The following CALCRL variants were observed in gnomAD, a reference collection of about 807,000 sequenced individuals.
The protein encoded by CALCRL is calcitonin gene-related peptide type 1 receptor.
Under a neutral mutation model 60.4 loss-of-function variants are expected in CALCRL, and 27 were observed. The observed-to-expected ratio is 0.45, with a 90% CI of 0.33 to 0.62. CALCRL has a LOEUF of 0.62. Ranked by LOEUF, CALCRL falls within the 20% of genes least tolerant of loss-of-function variation. CALCRL has a pLI of 0.03. For synonymous variants in CALCRL, 190 were observed against 182.6 expected (o/e 1.04, Z -0.33); for missense variants, 424 against 540.7 (o/e 0.78, Z 2.14).
chr2:187,447,267 C>T (rs1340487273), intron 1 of CALCRL, among the ~76,000 whole-genome samples: 1 of 151,710 alleles, frequency 6.6e-6, no homozygotes, highest in Non-Finnish European at 1.5e-5. Flanking sequence ...GGTATCACAC[C>T]CCCCTCCAAA....
intron 12 of CALCRL, among the ~76,000 whole-genome samples, chr2:187,353,520 A>C (rs1430852547): frequency 6.6e-6 from 1 of 151,982 alleles, no homozygotes; most frequent in African/African-American, 2.4e-5. Flanking sequence ...ATATTCTACC[A>C]CTATTTTTAG....
intron 8 of CALCRL, among the ~76,000 whole-genome samples, chr2:187,374,592 T>G (rs1687667382): frequency 6.6e-6 from 1 of 152,160 alleles, no homozygotes; most frequent in Non-Finnish European, 1.5e-5. Context: ...AGAATGGTTC[T>G]TTCCTTTCTC....
intron 10 of CALCRL, among the ~76,000 whole-genome samples, chr2:187,359,902 A>G (rs1366930709): frequency 6.6e-6 from 1 of 151,752 alleles, no homozygotes; most frequent in Non-Finnish European, 1.5e-5. Context: ...CTTTCTAGAT[A>G]TAGATAGTTT....
At chr2:187,396,947 T>A (rs957554708) in intron 1 of CALCRL, among the ~76,000 whole-genome samples, 4 of 151,702 alleles carry the variant, frequency 2.6e-5, no homozygotes, top group African/African-American at 9.7e-5. Context: ...AAACAGTAGT[T>A]GTACTGGTTA....
intron 1 of CALCRL, among the ~76,000 whole-genome samples, chr2:187,404,263 G>A (rs1689019510): frequency 2.0e-5 from 3 of 151,732 alleles, no homozygotes. Context: ...TCTTAAGATG[G>A]TGCATTTTTA....
intron 1 of CALCRL, among the ~76,000 whole-genome samples, chr2:187,424,269 A>C (rs374630994): frequency 5.8e-4 from 88 of 152,178 alleles, no homozygotes; most frequent in African/African-American, 1.9e-3. Context: ...GGAATGTTTT[A>C]GATTCAGCAT....
intron 4 of CALCRL, among the ~76,000 whole-genome samples, 166 bp downstream of exon 4, chr2:187,385,379 T>C (rs1688163076): frequency 6.6e-6 from 1 of 152,138 alleles, no homozygotes; most frequent in South Asian, 2.1e-4. Flanking sequence ...TCTATACCTG[T>C]TATAGGACTA....
intron 1 of CALCRL, among the ~76,000 whole-genome samples, chr2:187,441,395 A>G (rs2105910346): frequency 6.6e-6 from 1 of 152,166 alleles, no homozygotes; most frequent in East Asian, 1.9e-4. Flanking sequence ...TTGTGACAAG[A>G]TGAAAAATAG....
intron 8 of CALCRL, among the ~76,000 whole-genome samples, chr2:187,363,931 A>G (rs1403836834): frequency 1.3e-5 from 2 of 152,140 alleles, no homozygotes; most frequent in South Asian, 2.1e-4. Context: ...CACCATATAT[A>G]TTGTTCTGTT....
intron 14 of CALCRL, 86 bp from the exon 15 acceptor site, chr2:187,346,485 T>G: frequency 3.4e-6 from 3 of 876,734 alleles, no homozygotes; most frequent in Non-Finnish European, 1.7e-6. Flanking sequence ...ATTAAATAGG[T>G]CTTGGAGAAG....
chr2:187,385,501 C>G (rs769689470), intron 4 of CALCRL, 44 bp downstream of exon 4: 2 of 971,624 alleles, frequency 2.1e-6, no homozygotes, highest in African/African-American at 1.7e-5. Flanking sequence ...TATAGGTATA[C>G]TGGAAGCAAT....
At chr2:187,393,651 G>C (rs183629455) in intron 1 of CALCRL, among the ~76,000 whole-genome samples, 50 of 152,168 alleles carry the variant, frequency 3.3e-4, no homozygotes, top group Non-Finnish European at 6.6e-4. Flanking sequence ...TATACAGAAA[G>C]TGTTTTTAAA....
intron 12 of CALCRL, among the ~76,000 whole-genome samples, chr2:187,355,019 A>G (rs1180160195): frequency 6.6e-6 from 1 of 152,072 alleles, no homozygotes; most frequent in Non-Finnish European, 1.5e-5. Context: ...GCATGGTATC[A>G]TGCAGAAACT....
At chr2:187,414,890 A>T (rs5025472) in intron 1 of CALCRL, among the ~76,000 whole-genome samples, 7 of 1,412 alleles carry the variant, frequency 5.0e-3, no homozygotes, top group East Asian at 0.022. Flanking sequence ...TTTTTTTTTT[A>T]AAAAAAAAAA....
intron 14 of CALCRL, among the ~76,000 whole-genome samples, chr2:187,347,164 T>C (rs763406307): frequency 1.3e-5 from 2 of 151,748 alleles, no homozygotes; most frequent in Non-Finnish European, 2.9e-5. Context: ...ATATTGGTCA[T>C]AATGGAATGT....
Position 187,351,908 on chromosome 2 carries a change from C to A in CALCRL, c.1170+12G>T. The A allele has an allele frequency of 6.6e-7, 1 of 1,511,762 alleles. No individual in the cohort carries two copies. The highest frequency in any genetic ancestry group is 1.2e-5 in the South Asian group (1 of 86,252). The allele number at this position is 1,511,762 out of a possible 1,614,324, so 93.6% of individuals were successfully genotyped here. A position where few individuals can be genotyped will look rare whatever the true frequency, so the allele number is the denominator to read the frequency against. On this transcript the variant is annotated intron_variant, in intron 14 of 14. Coordinates refer to ENST00000392370, the MANE Select transcript of CALCRL (RefSeq NM_005795.6). ...TATAAAATAATAGAAGGAATAAAAT[C>A]AATTATCATACCTCTCCATTAAAGA... is the stretch of plus-strand genomic sequence containing the variant.
At chr2:187,398,968 C>A (rs532938892) in intron 1 of CALCRL, among the ~76,000 whole-genome samples, 1 of 151,480 alleles carries the variant, frequency 6.6e-6, no homozygotes, top group African/African-American at 2.4e-5. Flanking sequence ...CATTAAATTA[C>A]GTTTTATGCC....
At chr2:187,412,118 G>T (rs115883671) in intron 1 of CALCRL, among the ~76,000 whole-genome samples, 1 of 152,096 alleles carries the variant, frequency 6.6e-6, no homozygotes, top group Non-Finnish European at 1.5e-5. Context: ...TTTAATGGGA[G>T]TGAAGTTACT....
intron 1 of CALCRL, among the ~76,000 whole-genome samples, chr2:187,431,603 A>T (rs1282943369): frequency 6.6e-6 from 1 of 152,058 alleles, no homozygotes; most frequent in Non-Finnish European, 1.5e-5. Flanking sequence ...CATATGTCCT[A>T]AGAATAGGAA....
Sources: allele counts gnomAD v4.1 joint callset (sites outside exome capture counted in the v4.1 genomes callset), GRCh38; gene constraint gnomAD v4.1.1; transcripts MANE v1.5; gene names NCBI Gene and HGNC (gene_info 2026-07-23, HGNC 2026-07-21).